Variants in CACNA1E observed in about 807,000 individuals in gnomAD.
CACNA1E encodes the protein voltage-dependent R-type calcium channel subunit alpha-1E.
Under a neutral mutation model 259.2 loss-of-function variants are expected in CACNA1E, and 40 were observed. The ratio of observed to expected loss-of-function variants is 0.15; its 90% confidence interval spans 0.12 to 0.20. The LOEUF is 0.20. CACNA1E is among the 10% of genes least tolerant of loss of function. The pLI, the probability that CACNA1E is intolerant of heterozygous loss-of-function variation, is 1.00. For synonymous variants in CACNA1E, 1,104 were observed against 1,138.5 expected, an observed-to-expected ratio of 0.97 and a Z score of 0.61; for missense variants, 1,874 against 3,040.1, an observed-to-expected ratio of 0.62 and a Z score of 9.02.
intron 3 of CACNA1E, among the ~76,000 whole-genome samples, chr1:181,523,507 A>G (rs1473308780): frequency 6.6e-6 from 1 of 152,226 alleles, no homozygotes; most frequent in Admixed American, 6.5e-5. Flanking sequence ...CTGAATTCAT[A>G]TCTTTGCTCT....
intron 35 of CACNA1E, among the ~76,000 whole-genome samples, chr1:181,769,397 A>AAT (rs1198697797): frequency 1.1e-4 from 17 of 151,108 alleles, no homozygotes; most frequent in Non-Finnish European, 1.3e-4. Flanking sequence ...CTTCACAATA[A>AAT]ATATGTGTTT....
At chr1:181,766,289 A>C (rs1010893591) in intron 34 of CACNA1E, among the ~76,000 whole-genome samples, 1 of 152,210 alleles carries the variant, frequency 6.6e-6, no homozygotes, top group African/African-American at 2.4e-5. Flanking sequence ...TATGGGCTAC[A>C]TTTATGGGTG....
At chr1:181,547,400 T>C (rs1647609089) in intron 3 of CACNA1E, among the ~76,000 whole-genome samples, 1 of 152,240 alleles carries the variant, frequency 6.6e-6, no homozygotes, top group Non-Finnish European at 1.5e-5. Context: ...CCTCTCCTCT[T>C]TCCTGTGCAT....
rs1454200742 is a variant in CACNA1E, at chr1:181,772,061, C to T, written c.4974-5C>T. 1 of 1,613,314 alleles carries T rather than the reference C, an allele frequency of 6.2e-7. No homozygotes were observed. The highest frequency in any genetic ancestry group is 1.1e-5 in the South Asian group (1 of 90,982). On this transcript the variant is annotated splice_polypyrimidine_tract_variant and splice_region_variant and intron_variant, in intron 36 of 47. Coordinates refer to ENST00000367573, the MANE Select transcript of CACNA1E (RefSeq NM_001205293.3). ...CCTGCTAACCAAAATGTCTCTTGGG[C>T]TCAGGAGTGCCACAGGTGAGGCCTG...
chr1:181,674,350 G>A (rs981431633), intron 7 of CACNA1E, among the ~76,000 whole-genome samples: 3 of 131,272 alleles, frequency 2.3e-5, no homozygotes, highest in Non-Finnish European at 3.1e-5. Flanking sequence ...CCGAGATCGC[G>A]CCACTGTGCA....
At chr1:181,408,392 T>TA (rs1462535089) in intron 1 of CACNA1E, among the ~76,000 whole-genome samples, 1 of 151,990 alleles carries the variant, frequency 6.6e-6, no homozygotes, top group Non-Finnish European at 1.5e-5. Context: ...TCTAAAGCAG[T>TA]AAAAAATAGA....
chr1:181,369,060 C>T (rs540993646), intron 1 of CACNA1E, among the ~76,000 whole-genome samples: 2 of 152,322 alleles, frequency 1.3e-5, no homozygotes, highest in South Asian at 4.1e-4. Context: ...GGTTGAAGCG[C>T]ATGCTGTGGA....
intron 21 of CACNA1E, among the ~76,000 whole-genome samples, chr1:181,734,564 C>G (rs1655849766): frequency 7.2e-6 from 1 of 139,238 alleles, no homozygotes; most frequent in Non-Finnish European, 1.5e-5. Context: ...TGACCCCACA[C>G]CTCATCCCTG....
At position 181,716,097 on chromosome 1, in the gene CACNA1E, G is replaced by A. The variant is rs1373300744; in HGVS notation, c.1283G>A (p.Ser428Asn). Residue 428 changes from serine to asparagine, a missense_variant, in exon 10 of 48, where the codon AGT becomes AAT. This residue lies in a region of CACNA1E where 157 missense variants were observed against 203.5 expected (regional missense o/e 0.77). Coordinates refer to ENST00000367573, the MANE Select transcript of CACNA1E (RefSeq NM_001205293.3). ...ACAGAGGCCATGACTCGAGACTCCA[G>A]TGATGAGCACTGTGTTGATATCTCC... ...SRTEAMTRDS[S>N]DEHCVDISSV... is the part of the protein sequence containing the mutation. 6.4e-7 allele frequency: 1 copy of A among 1,571,656 alleles called. No homozygotes were observed. The highest frequency in any genetic ancestry group is 8.6e-7 in the Non-Finnish European group (1 of 1,157,676).
At chr1:181,790,634 A>T (rs1311798826) in intron 44 of CACNA1E, 78 bp downstream of exon 44, 1 of 934,168 alleles carries the variant, frequency 1.1e-6, no homozygotes, top group African/African-American at 1.6e-5. Context: ...TTACATAGTC[A>T]TGGTCCGTCA....
chr1:181,589,898 T>G (rs901767613), intron 6 of CACNA1E, among the ~76,000 whole-genome samples: 4 of 152,178 alleles, frequency 2.6e-5, no homozygotes, highest in African/African-American at 9.7e-5. Context: ...TGCTACTTTA[T>G]ATTTTTACCT....
chr1:181,674,161 C>T (rs995564450), intron 7 of CACNA1E, among the ~76,000 whole-genome samples: 7 of 148,654 alleles, frequency 4.7e-5, no homozygotes, highest in South Asian at 2.1e-4. Context: ...GGGCGGATCA[C>T]GAGGTCAGGA....
At chr1:181,549,704 A>T (rs1459554876) in intron 3 of CACNA1E, among the ~76,000 whole-genome samples, 2 of 152,114 alleles carry the variant, frequency 1.3e-5, no homozygotes, top group Admixed American at 6.5e-5. Flanking sequence ...CTTCAGAAGG[A>T]GGTTGTCAGC....
At chr1:181,522,717 A>C (rs1001453974) in intron 3 of CACNA1E, among the ~76,000 whole-genome samples, 4 of 152,200 alleles carry the variant, frequency 2.6e-5, no homozygotes, top group Admixed American at 2.6e-4. Context: ...GAAGAGGGAA[A>C]TAGAGAATCC....
chr1:181,741,398 T>G (rs1656558574), intron 25 of CACNA1E, among the ~76,000 whole-genome samples: 1 of 152,236 alleles, frequency 6.6e-6, no homozygotes, highest in Non-Finnish European at 1.5e-5. Flanking sequence ...CGGGGCCTGA[T>G]GTAGTGTGAA....
At chr1:181,706,722 G>A (rs1652836436) in intron 7 of CACNA1E, among the ~76,000 whole-genome samples, 1 of 152,190 alleles carries the variant, frequency 6.6e-6, no homozygotes, top group Admixed American at 6.5e-5. Flanking sequence ...CTTCTAGATA[G>A]CAGGGAAGAC....
chr1:181,610,144 G>A (rs1222362731), intron 6 of CACNA1E, among the ~76,000 whole-genome samples: 3 of 152,156 alleles, frequency 2.0e-5, no homozygotes, highest in Non-Finnish European at 4.4e-5. Context: ...TGCTCCCTAT[G>A]TTGTACAAGA....
chr1:181,739,286 C>T (rs1344448128), intron 25 of CACNA1E, 33 bp downstream of exon 25: 2 of 1,342,798 alleles, frequency 1.5e-6, no homozygotes, highest in Non-Finnish European at 1.1e-6. Flanking sequence ...GATTCCCTTC[C>T]TTCCCCTCTT....
chr1:181,484,066 AGG>A, intron 1 of CACNA1E, 56 bp downstream of exon 1: 1 of 1,545,592 alleles, frequency 6.5e-7, no homozygotes, highest in Non-Finnish European at 8.9e-7. Flanking sequence ...CTTCGGGTGA[AGG>A]GGGGTACCTA....
Sources: gnomAD v4.1 joint callset for allele counts (sites outside exome capture counted in the v4.1 genomes callset) on GRCh38, gnomAD v4.1.1 for gene constraint, gnomAD v4.1.1 regional missense constraint, MANE v1.5 for transcripts, NCBI Gene and HGNC (gene_info 2026-07-23, HGNC 2026-07-21) for gene names.